Variants in IL1R2 observed in about 807,000 individuals in gnomAD.
IL1R2 encodes the protein interleukin 1 receptor type 2, also known as interleukin-1 receptor type 2.
A neutral mutation model predicts 39.5 loss-of-function variants in IL1R2; 46 were observed. The ratio of observed to expected loss-of-function variants is 1.16; its 90% confidence interval spans 0.92 to 1.49. IL1R2 has a LOEUF of 1.49. Ranked by LOEUF, IL1R2 falls within the 40% of genes most tolerant of loss-of-function variation. The pLI is 0.00. For missense variants in IL1R2, 537 were observed against 502.0 expected, an observed-to-expected ratio of 1.07 and a Z score of -0.67; for synonymous variants, 207 against 189.6, an observed-to-expected ratio of 1.09 and a Z score of -0.75.
At chr2:102,022,279 G>C in intron 6 of IL1R2, 30 bp downstream of exon 6, 1 of 1,579,774 alleles carries the variant, frequency 6.3e-7, no homozygotes, top group Non-Finnish European at 8.7e-7. Flanking sequence ...TGCATTCCAC[G>C]CACCTGTGGG....
rs1160197137 is a variant in IL1R2 at position 102,018,729 on chromosome 2, T to C, written c.514-909T>C. ...TTCCCAAGATCACACAGCCAGTAGA[T>C]GGTGAAGTCAAAACTCAAACCCAGG... is the stretch of plus-strand genomic sequence containing the variant. On this transcript the variant is annotated intron_variant, in intron 4 of 8. Coordinates refer to ENST00000332549, the MANE Select transcript of IL1R2 (RefSeq NM_004633.4). Among the ~76,000 whole-genome samples the C allele has an allele frequency of 3.9e-5, 6 of 152,268 alleles. No individual in the cohort carries two copies. The East Asian group carries it at 7.7e-4, about 20-fold the overall frequency.
Position 102,023,883 on chromosome 2 carries a change from T to C in IL1R2, c.752-650T>C, listed in dbSNP as rs1384327447. ...TAACACGGTGAAACCCCATCTCTACTAAAAAATACAAAAAAAATTAGCCGG... is the reference window on the plus strand; with the variant it reads ...TAACACGGTGAAACCCCATCTCTACCAAAAAATACAAAAAAAATTAGCCGG... On this transcript the variant is annotated intron_variant, in intron 6 of 8. Coordinates refer to ENST00000332549, the MANE Select transcript of IL1R2 (RefSeq NM_004633.4). Among the ~76,000 whole-genome samples, 4 of 150,860 alleles carry C rather than the reference T, an allele frequency of 2.7e-5. No individual in the cohort carries two copies. In the South Asian group the frequency reaches 8.4e-4, roughly 32 times the overall value.
At chr2:102,010,101 TAGTTTCCTTGCG>T (rs1179863084) in intron 3 of IL1R2, 7 of 452,100 alleles carry the variant, frequency 1.5e-5, no homozygotes, top group African/African-American at 9.8e-5. Flanking sequence ...TACCCTGCTG[TAGTTTCCTTGCG>T]ATAAGATTTT....
chr2:102,025,444 A>G (rs1004165091), intron 7 of IL1R2, among the ~76,000 whole-genome samples: 1 of 152,254 alleles, frequency 6.6e-6, no homozygotes, highest in Non-Finnish European at 1.5e-5. Flanking sequence ...GGCCACAACT[A>G]AATGCCCATC....
intron 1 of IL1R2, among the ~76,000 whole-genome samples, chr2:102,008,093 A>G (rs1676375924): frequency 6.6e-6 from 1 of 152,222 alleles, no homozygotes; most frequent in Non-Finnish European, 1.5e-5. Flanking sequence ...GAAGGGAAGG[A>G]AAACATGGAG....
intron 1 of IL1R2, among the ~76,000 whole-genome samples, chr2:101,993,894 C>T (rs4851521): frequency 0.46 from 69,929 of 151,782 alleles, 16,575 homozygotes; most frequent in African/African-American, 0.54. Context: ...AACCTCCCAG[C>T]GCCGCATGGC....
rs28385674 is a variant in IL1R2, at chr2:102,006,903, G to A, written c.-61-1612G>A. ...TGTGGCCTCGTGTGTGCTTTTGGCC[G>A]CATCGTTTCCAGTTTCGCCATCCCC... On this transcript the variant is annotated intron_variant, in intron 1 of 8. Transcript: ENST00000332549. Among the ~76,000 whole-genome samples, 417 of 152,278 alleles carry A rather than the reference G, an allele frequency of 2.7e-3. 3 individuals carry two copies. The highest frequency in any genetic ancestry group is 0.025 in the East Asian group (131 of 5,170).
chr2:101,997,770 T>A (rs1675662849), intron 1 of IL1R2, among the ~76,000 whole-genome samples: 1 of 152,228 alleles, frequency 6.6e-6, no homozygotes, highest in Admixed American at 6.5e-5. Context: ...CCTCCAGAGA[T>A]GCAACTTGGA....
chr2:102,013,662 G>C (rs1486225792), intron 3 of IL1R2, among the ~76,000 whole-genome samples: 1 of 151,342 alleles, frequency 6.6e-6, no homozygotes, highest in Non-Finnish European at 1.5e-5. Flanking sequence ...AATCTCAGTG[G>C]CTTAAAATAA....
At chr2:102,008,414 A>C (rs868423602) in intron 1 of IL1R2, 101 bp from the exon 2 acceptor site, 6 of 643,444 alleles carry the variant, frequency 9.3e-6, no homozygotes, top group South Asian at 7.4e-5. Context: ...AAAGGTTCCC[A>C]TTATCCAGTG....
At chr2:102,023,107 G>A (rs552974149) in intron 6 of IL1R2, among the ~76,000 whole-genome samples, 2 of 152,218 alleles carry the variant, frequency 1.3e-5, no homozygotes, top group Non-Finnish European at 2.9e-5. Context: ...TAGTGTTTTT[G>A]TAGGTCTGTT....
rs190708528 is a variant in IL1R2 at position 102,010,979 on chromosome 2, G to T, written c.332+1153G>T. On this transcript the variant is annotated intron_variant, in intron 3 of 8. Transcript: ENST00000332549. ...CGACTCTAGGTACCTCGTTTAAATC[G>T]TTTAAGTGAAATCAGTCTTTCTGTG... Among the ~76,000 whole-genome samples the T allele has an allele frequency of 1.3e-4, 20 of 152,226 alleles. No individual in the cohort carries two copies. The East Asian group carries it at 3.5e-3, about 26-fold the overall frequency.
chr2:102,013,624 G>T (rs552739382), intron 3 of IL1R2, among the ~76,000 whole-genome samples: 1 of 147,548 alleles, frequency 6.8e-6, no homozygotes, highest in Non-Finnish European at 1.5e-5. Context: ...GGCAGTCAAG[G>T]TTATGCTGCT....
Position 102,019,684 on chromosome 2 carries a change from G to T in IL1R2, c.560G>T (p.Arg187Met), listed in dbSNP as rs1214068538. ...GACAATGAGAAATTTCTAAGTGTGAGGGGGACCACTCACTTACTCGTACAC... is the reference window on the plus strand; with the variant it reads ...GACAATGAGAAATTTCTAAGTGTGATGGGGACCACTCACTTACTCGTACAC... ...DKDNEKFLSV[R>M]GTTHLLVHDV... The change falls in exon 5 of 9, where the codon AGG becomes ATG. Residue 187 changes from arginine to methionine, a missense_variant. Arg to Met is a moderately conservative substitution (Grantham distance 91). Transcript: ENST00000332549. 2.5e-6 allele frequency: 4 copies of T among 1,613,882 alleles called. No individual in the cohort carries two copies. Among genetic ancestry groups the T allele is most frequent in the Non-Finnish European group, 3.4e-6 (4 of 1,179,816 alleles).
intron 3 of IL1R2, among the ~76,000 whole-genome samples, chr2:102,012,520 G>A (rs921693055): frequency 6.6e-6 from 1 of 151,402 alleles, no homozygotes; most frequent in Non-Finnish European, 1.5e-5. Context: ...GAGGAGATAT[G>A]AGGTAGAGGG....
Position 102,028,398 on chromosome 2 carries a change from A to G in IL1R2, c.*6A>G, listed in dbSNP as rs545949696. 1.3e-6 allele frequency: 2 copies of G among 1,577,290 alleles called. No homozygotes were observed. The highest frequency in any genetic ancestry group is 1.3e-5 in the African/African-American group (1 of 74,244). On this transcript the variant is annotated 3_prime_UTR_variant, in exon 9 of 9. Coordinates refer to ENST00000332549, the MANE Select transcript of IL1R2 (RefSeq NM_004633.4). ...TTCAATCCTATCCCAAGTGAAATAA[A>G]TGGAATGAAATAATTCAAACACAAA...
intron 8 of IL1R2, among the ~76,000 whole-genome samples, chr2:102,027,746 G>A (rs907817939): frequency 3.9e-5 from 6 of 152,030 alleles, no homozygotes; most frequent in East Asian, 1.9e-4. Flanking sequence ...ACACAGAGAC[G>A]CCAAGGAGCA....
chr2:102,010,359 G>T (rs138916289), intron 3 of IL1R2, among the ~76,000 whole-genome samples: 5 of 152,086 alleles, frequency 3.3e-5, no homozygotes, highest in Non-Finnish European at 7.4e-5. Flanking sequence ...GGATCACGAG[G>T]TCAGGAGATC....
chr2:102,026,798 G>T (rs1214475704), intron 8 of IL1R2, among the ~76,000 whole-genome samples: 1 of 152,186 alleles, frequency 6.6e-6, no homozygotes, highest in African/African-American at 2.4e-5. Context: ...TGATTAAATT[G>T]ATTTCATATC....
Sources: gnomAD v4.1 joint callset for allele counts (sites outside exome capture counted in the v4.1 genomes callset) on GRCh38, gnomAD v4.1.1 for gene constraint, MANE v1.5 for transcripts, NCBI Gene and HGNC (gene_info 2026-07-23, HGNC 2026-07-21) for gene names.